The following CEMIP variants were observed in gnomAD, a reference collection of about 807,000 sequenced individuals.
The protein encoded by CEMIP is cell migration-inducing and hyaluronan-binding protein.
Under a neutral mutation model 156.9 loss-of-function variants are expected in CEMIP, and 105 were observed. The ratio of observed to expected loss-of-function variants is 0.67; its 90% CI spans 0.57 to 0.79. The LOEUF (loss-of-function observed/expected upper bound fraction) is 0.79, where lower values mean the gene tolerates loss of function less well. Ranked by LOEUF, CEMIP falls within the 30% of genes least tolerant of loss-of-function variation. The pLI, the probability that CEMIP is intolerant of heterozygous loss-of-function variation, is 0.00. For missense variants in CEMIP, 1,457 were observed against 1,769.4 expected (o/e 0.82, Z 3.17); for synonymous variants, 676 against 668.4 (o/e 1.01, Z -0.17).
At chr15:80,796,980 T>A (rs977770889) in intron 1 of CEMIP, among the ~76,000 whole-genome samples, 1 of 152,144 alleles carries the variant, frequency 6.6e-6, no homozygotes, top group Non-Finnish European at 1.5e-5. Flanking sequence ...GATAACCTGG[T>A]ACATTAAAGG....
intron 1 of CEMIP, among the ~76,000 whole-genome samples, chr15:80,837,695 G>C (rs145113224): frequency 1.9e-4 from 29 of 152,330 alleles, no homozygotes; most frequent in African/African-American, 4.6e-4. Flanking sequence ...AGATATTCTA[G>C]AGCATCTGAA....
At chr15:80,856,004 C>A in intron 1 of CEMIP, among the ~76,000 whole-genome samples, 1 of 152,196 alleles carries the variant, frequency 6.6e-6, no homozygotes, top group East Asian at 1.9e-4. Context: ...TGAAAGAAAC[C>A]TTGTACAAAG....
intron 1 of CEMIP, among the ~76,000 whole-genome samples, chr15:80,834,774 A>T (rs533592070): frequency 6.6e-6 from 1 of 152,308 alleles, no homozygotes; most frequent in African/African-American, 2.4e-5. Flanking sequence ...CAACTTCTAG[A>T]ATCACCTTGT....
Position 80,920,312 on chromosome 15 carries a change from A to T in CEMIP, c.2003+13A>T, listed in dbSNP as rs1038709499. The T allele has an allele frequency of 1.2e-6, 2 of 1,610,648 alleles. No homozygotes were observed. Among genetic ancestry groups the T allele is most frequent in the Admixed American group, 3.3e-5 (2 of 59,968 alleles). Reference sequence around the variant, plus strand: ...GGCAAGACTGCAAGTAAGTGCCTGGACCCCTCTCTGTGTGCTGGGGGGAAG... The same window carrying T: ...GGCAAGACTGCAAGTAAGTGCCTGGTCCCCTCTCTGTGTGCTGGGGGGAAG... On this transcript the variant is annotated intron_variant, in intron 15 of 29. Transcript: ENST00000394685.
Position 80,894,955 on chromosome 15 carries a change from A to C in CEMIP, c.1087-35A>C, listed in dbSNP as rs1555433524. ...CACCTTCCTTCTCTATAAAAAAAAA[A>C]CGACTTTGCTCTGTAATTTCTGTGT... On this transcript the variant is annotated intron_variant, in intron 10 of 29. Transcript: ENST00000394685. 1.1e-5 allele frequency: 18 copies of C among 1,613,530 alleles called. No individual in the cohort carries two copies. In the South Asian group the frequency reaches 1.8e-4, roughly 16 times the overall value.
intron 1 of CEMIP, among the ~76,000 whole-genome samples, chr15:80,865,902 G>T (rs1898112953): frequency 6.6e-6 from 1 of 152,196 alleles, no homozygotes; most frequent in Non-Finnish European, 1.5e-5. Flanking sequence ...AGTGCCTGTT[G>T]CACAGGGGTA....
intron 1 of CEMIP, among the ~76,000 whole-genome samples, chr15:80,871,981 G>A (rs1898308841): frequency 2.0e-5 from 3 of 152,266 alleles, no homozygotes; most frequent in South Asian, 2.1e-4. Context: ...AAGAGGACAC[G>A]GCCGGCATTG....
chr15:80,799,152 C>G (rs1364743410), intron 1 of CEMIP, among the ~76,000 whole-genome samples: 1 of 152,230 alleles, frequency 6.6e-6, no homozygotes, highest in Non-Finnish European at 1.5e-5. Flanking sequence ...TTCACAGATT[C>G]CATCTTAGCA....
chr15:80,874,990 T>TTTC (rs1898422506), intron 3 of CEMIP, among the ~76,000 whole-genome samples: 2 of 151,334 alleles, frequency 1.3e-5, no homozygotes, highest in Admixed American at 6.6e-5. Flanking sequence ...TTGAAGAATC[T>TTTC]TTCTGATCCT....
intron 1 of CEMIP, among the ~76,000 whole-genome samples, chr15:80,787,031 G>A (rs1311843926): frequency 6.6e-6 from 1 of 152,214 alleles, no homozygotes; most frequent in Admixed American, 6.5e-5. Context: ...AGGAATGGAA[G>A]AGCTCTGCTG....
chr15:80,872,147 G>A (rs1898316462), intron 1 of CEMIP, among the ~76,000 whole-genome samples: 1 of 152,232 alleles, frequency 6.6e-6, no homozygotes, highest in Admixed American at 6.5e-5. Context: ...GAAAGGTCAG[G>A]GGTGACCAGA....
chr15:80,915,268 C>T (rs753912958), intron 14 of CEMIP, among the ~76,000 whole-genome samples: 19 of 152,148 alleles, frequency 1.2e-4, no homozygotes, highest in Non-Finnish European at 2.4e-4. Context: ...GGGTTTGTTT[C>T]GGGAAGGGAC....
chr15:80,913,423 C>G (rs1213359399), intron 14 of CEMIP, among the ~76,000 whole-genome samples: 5 of 149,290 alleles, frequency 3.3e-5, no homozygotes, highest in African/African-American at 1.2e-4. Flanking sequence ...CAACTCCTAA[C>G]TCTTTCTTGA....
intron 1 of CEMIP, among the ~76,000 whole-genome samples, chr15:80,831,411 G>A (rs577228198): frequency 3.9e-5 from 6 of 152,226 alleles, no homozygotes; most frequent in Admixed American, 2.6e-4. Context: ...AGTGGGCCAC[G>A]GCACTTCCCA....
chr15:80,795,251 T>C (rs1267180843), intron 1 of CEMIP, among the ~76,000 whole-genome samples: 1 of 152,136 alleles, frequency 6.6e-6, no homozygotes, highest in Admixed American at 6.5e-5. Context: ...TTTTTCTGTT[T>C]TTTTTAAAGG....
At chr15:80,844,697 A>G (rs1305063197) in intron 1 of CEMIP, among the ~76,000 whole-genome samples, 1 of 152,226 alleles carries the variant, frequency 6.6e-6, no homozygotes, top group Non-Finnish European at 1.5e-5. Context: ...AGGGCCTACC[A>G]TCCCCAAAGT....
chr15:80,815,886 T>C (rs550476091), intron 1 of CEMIP, among the ~76,000 whole-genome samples: 145 of 152,206 alleles, frequency 9.5e-4, no homozygotes, highest in African/African-American at 3.3e-3. Context: ...TACAGCTCGG[T>C]GGATGGTGAG....
chr15:80,803,909 A>C (rs1896443442), intron 1 of CEMIP, among the ~76,000 whole-genome samples: 1 of 152,230 alleles, frequency 6.6e-6, no homozygotes, highest in Non-Finnish European at 1.5e-5. Flanking sequence ...TAATAAAGAC[A>C]AACTCGAGAC....
intron 14 of CEMIP, among the ~76,000 whole-genome samples, chr15:80,916,585 GTCTATCCATCTA>G (rs1567099511): frequency 1.3e-5 from 2 of 152,022 alleles, no homozygotes; most frequent in Non-Finnish European, 2.9e-5. Context: ...TCTGCTATCT[GTCTATCCATCTA>G]TCTATATCTA....
Sources: gnomAD v4.1 joint callset for allele counts (sites outside exome capture counted in the v4.1 genomes callset) on GRCh38, gnomAD v4.1.1 for gene constraint, MANE v1.5 for transcripts, NCBI Gene and HGNC (gene_info 2026-07-23, HGNC 2026-07-21) for gene names.